NRG1: variants seen among roughly 807,000 people sequenced by gnomAD.
The protein encoded by NRG1 is neuregulin 1, also known as pro-neuregulin-1, membrane-bound isoform.
Under a neutral mutation model 63.8 loss-of-function variants are expected in NRG1, and 18 were observed. That is an observed-to-expected ratio of 0.28 (90% CI 0.19 to 0.42). The LOEUF is 0.42. Among genes scored for constraint, NRG1 ranks in the 10% least tolerant of loss-of-function variants. NRG1 has a pLI of 1.00. For synonymous variants in NRG1, 302 were observed against 301.3 expected (o/e 1.00, Z -0.02); for missense variants, 762 against 814.7 (o/e 0.94, Z 0.79).
intron 1 of NRG1, among the ~76,000 whole-genome samples, chr8:31,805,826 T>TG (rs1822221013): frequency 5.1e-5 from 1 of 19,726 alleles, no homozygotes; most frequent in Admixed American, 6.1e-4. Flanking sequence ...GGACTCCGTC[T>TG]CAAAAAAAAA....
chr8:32,335,610 T>C (rs909474064), intron 1 of NRG1, among the ~76,000 whole-genome samples: 5 of 152,034 alleles, frequency 3.3e-5, no homozygotes, highest in Non-Finnish European at 7.4e-5. Context: ...AAACAAGTAA[T>C]AAAAGAGTAG....
chr8:31,661,574 C>A (rs1805996055), intron 1 of NRG1, among the ~76,000 whole-genome samples: 1 of 152,298 alleles, frequency 6.6e-6, no homozygotes, highest in South Asian at 2.1e-4. Flanking sequence ...ACCTGCAACA[C>A]TTTGTGGGTA....
intron 1 of NRG1, among the ~76,000 whole-genome samples, chr8:32,344,411 G>A (rs560450996): frequency 3.4e-4 from 10 of 29,698 alleles, no homozygotes; most frequent in South Asian, 3.5e-3. Flanking sequence ...GCATGCATGC[G>A]TGCATGCATG....
At chr8:32,654,667 A>G (rs1302641193) in intron 5 of NRG1, among the ~76,000 whole-genome samples, 1 of 72,450 alleles carries the variant, frequency 1.4e-5, no homozygotes, top group Non-Finnish European at 3.2e-5. Flanking sequence ...ATTGATATGT[A>G]TAAGACACCC....
intron 1 of NRG1, among the ~76,000 whole-genome samples, chr8:31,995,200 G>T (rs1007906669): frequency 6.6e-6 from 1 of 151,882 alleles, no homozygotes; most frequent in African/African-American, 2.4e-5. Flanking sequence ...AAATAGCACA[G>T]GAAGAATCTC....
intron 1 of NRG1, among the ~76,000 whole-genome samples, chr8:32,164,415 T>G (rs1209661067): frequency 1.3e-5 from 2 of 152,196 alleles, no homozygotes; most frequent in Non-Finnish European, 2.9e-5. Context: ...AGCTCAGATA[T>G]CTGGTTGACT....
At chr8:32,017,827 C>CT (rs1815802568) in intron 1 of NRG1, among the ~76,000 whole-genome samples, 1 of 152,164 alleles carries the variant, frequency 6.6e-6, no homozygotes, top group Admixed American at 6.5e-5. Flanking sequence ...TGAACCTAGT[C>CT]TTTTTTGTGT....
intron 1 of NRG1, among the ~76,000 whole-genome samples, chr8:32,056,325 G>A (rs533357593): frequency 6.6e-6 from 1 of 152,294 alleles, no homozygotes; most frequent in African/African-American, 2.4e-5. Context: ...GCCTTGCCGA[G>A]AAAACAATAC....
intron 1 of NRG1, among the ~76,000 whole-genome samples, chr8:31,669,778 A>G (rs917692688): frequency 5.3e-5 from 8 of 152,230 alleles, no homozygotes; most frequent in African/African-American, 1.9e-4. Context: ...CACAGAAAAG[A>G]TATATCACAG....
intron 1 of NRG1, among the ~76,000 whole-genome samples, chr8:31,885,023 C>T (rs1453607960): frequency 6.6e-6 from 1 of 151,978 alleles, no homozygotes; most frequent in African/African-American, 2.4e-5. Flanking sequence ...TTCAGTGATC[C>T]AGTTTCAAGT....
At chr8:31,864,884 G>C (rs750595815) in intron 1 of NRG1, among the ~76,000 whole-genome samples, 34 of 152,156 alleles carry the variant, frequency 2.2e-4, no homozygotes, top group Non-Finnish European at 4.4e-4. Flanking sequence ...GTGTGTGCAA[G>C]AGATTTTGGC....
intron 5 of NRG1, among the ~76,000 whole-genome samples, chr8:32,645,457 G>T (rs1381942560): frequency 6.6e-6 from 1 of 152,190 alleles, no homozygotes; most frequent in Non-Finnish European, 1.5e-5. Flanking sequence ...TGCAAACACA[G>T]TTTAAGATGT....
intron 1 of NRG1, among the ~76,000 whole-genome samples, chr8:32,175,874 A>G (rs899355472): frequency 3.3e-5 from 5 of 152,222 alleles, no homozygotes; most frequent in African/African-American, 7.2e-5. Flanking sequence ...TTATGGGTAG[A>G]AAGAATCAAT....
chr8:32,013,744 C>A (rs1208103678), intron 1 of NRG1, among the ~76,000 whole-genome samples: 2 of 152,118 alleles, frequency 1.3e-5, no homozygotes, highest in African/African-American at 2.4e-5. Flanking sequence ...ACACTCAGTG[C>A]AATCTTTGAG....
chr8:32,104,162 C>T (rs1033696430), intron 1 of NRG1, among the ~76,000 whole-genome samples: 2 of 152,170 alleles, frequency 1.3e-5, no homozygotes, highest in African/African-American at 4.8e-5. Flanking sequence ...ATACTACATA[C>T]TAGGCTTATG....
chr8:31,932,872 A>G (rs139967475), intron 1 of NRG1, among the ~76,000 whole-genome samples: 1 of 152,088 alleles, frequency 6.6e-6, no homozygotes, highest in African/African-American at 2.4e-5. Context: ...ATAATTCCGA[A>G]TCACTTGTTT....
intron 1 of NRG1, among the ~76,000 whole-genome samples, chr8:31,912,081 T>C (rs1441377294): frequency 6.6e-6 from 1 of 152,204 alleles, no homozygotes; most frequent in African/African-American, 2.4e-5. Flanking sequence ...GTTAAAATGA[T>C]GTGGCTTAAA....
At chr8:32,412,475 TG>T (rs1815240625) in intron 1 of NRG1, among the ~76,000 whole-genome samples, 1 of 130,890 alleles carries the variant, frequency 7.6e-6, no homozygotes. Flanking sequence ...TATATATATA[TG>T]AACAGATACA....
chr8:32,367,144 G>T (rs1449227492), intron 1 of NRG1, among the ~76,000 whole-genome samples: 1 of 152,084 alleles, frequency 6.6e-6, no homozygotes, highest in Non-Finnish European at 1.5e-5. Context: ...TTTCCTTTGG[G>T]TAAATATGTC....
Sources: allele counts gnomAD v4.1 joint callset (sites outside exome capture counted in the v4.1 genomes callset), GRCh38; gene constraint gnomAD v4.1.1; transcripts MANE v1.5; gene names NCBI Gene and HGNC (gene_info 2026-07-23, HGNC 2026-07-21).